The following PLCG2 variants were observed in gnomAD, a reference collection of about 807,000 sequenced individuals.
PLCG2 encodes 1-phosphatidylinositol 4,5-bisphosphate phosphodiesterase gamma-2.
PLCG2 carries 69 observed loss-of-function variants against 175.6 expected under a neutral mutation model. The ratio of observed to expected loss-of-function variants is 0.39; its 90% confidence interval spans 0.32 to 0.48. The LOEUF (loss-of-function observed/expected upper bound fraction) is 0.48. PLCG2 is among the 20% of genes least tolerant of loss of function. PLCG2 has a pLI of 0.91. For missense variants in PLCG2, 1,798 were observed against 1,650.9 expected (o/e 1.09, Z -1.54); for synonymous variants, 827 against 624.0 (o/e 1.33, Z -4.85).
intron 5 of PLCG2, among the ~76,000 whole-genome samples, chr16:81,863,124 C>A (rs762002620): frequency 6.6e-6 from 1 of 152,172 alleles, no homozygotes; most frequent in Non-Finnish European, 1.5e-5. Flanking sequence ...TGTTGTCATG[C>A]TCCCGTCACC....
chr16:81,854,664 G>A, intron 3 of PLCG2, 77 bp downstream of exon 3: 1 of 1,313,128 alleles, frequency 7.6e-7, no homozygotes, highest in Non-Finnish European at 1.1e-6. Flanking sequence ...ATAGCAGAAT[G>A]CTCACCCCTG....
chr16:81,882,202 C>G (rs1411967107), intron 8 of PLCG2, among the ~76,000 whole-genome samples: 1 of 152,206 alleles, frequency 6.6e-6, no homozygotes, highest in Non-Finnish European at 1.5e-5. Context: ...AATGTACTCC[C>G]CATCCAACCC....
intron 2 of PLCG2, among the ~76,000 whole-genome samples, chr16:81,793,006 C>A (rs1325191273): frequency 6.6e-6 from 1 of 152,112 alleles, no homozygotes; most frequent in African/African-American, 2.4e-5. Flanking sequence ...ATTTTATGTT[C>A]TTTTTAAGAT....
intron 5 of PLCG2, among the ~76,000 whole-genome samples, chr16:81,862,871 C>G (rs1193171131): frequency 6.6e-6 from 1 of 151,922 alleles, no homozygotes; most frequent in Non-Finnish European, 1.5e-5. Context: ...GATCCCATCT[C>G]AAAAACAAAA....
chr16:81,904,007 C>A (rs936235410), intron 14 of PLCG2, among the ~76,000 whole-genome samples: 8 of 152,168 alleles, frequency 5.3e-5, no homozygotes, highest in South Asian at 2.1e-4. Context: ...CACTGCAGGA[C>A]GAATAACCTC....
At chr16:81,819,631 C>A (rs114173548) in intron 2 of PLCG2, among the ~76,000 whole-genome samples, 1 of 152,226 alleles carries the variant, frequency 6.6e-6, no homozygotes, top group Non-Finnish European at 1.5e-5. Flanking sequence ...TTCGCCCAGG[C>A]TGTAGTGCGG....
chr16:81,892,855 T>C (rs940784290), intron 11 of PLCG2, among the ~76,000 whole-genome samples: 11 of 151,618 alleles, frequency 7.3e-5, no homozygotes, highest in African/African-American at 2.4e-4. Flanking sequence ...AACTTTTTTT[T>C]TTTTTTTTTT....
intron 25 of PLCG2, among the ~76,000 whole-genome samples, chr16:81,932,268 C>A (rs1206019780): frequency 6.6e-6 from 1 of 152,122 alleles, no homozygotes; most frequent in Non-Finnish European, 1.5e-5. Flanking sequence ...AGGGCTGGAC[C>A]CTGGGCAAGT....
At chr16:81,760,694 T>C (rs1045557162) in intron 2 of PLCG2, among the ~76,000 whole-genome samples, 1 of 150,152 alleles carries the variant, frequency 6.7e-6, no homozygotes, top group South Asian at 2.1e-4. Context: ...GAGGATCACT[T>C]GAGGGCAGGA....
rs144426501 is a variant in PLCG2, at chr16:81,789,915, C to A, written c.193+3733C>A. Among the ~76,000 whole-genome samples, 489 of 149,422 alleles carry A rather than the reference C, an allele frequency of 3.3e-3. 14 individuals are homozygous for A. The East Asian group carries it at 0.063, about 19-fold the overall frequency. On this transcript the variant is annotated intron_variant, in intron 2 of 32. Transcript: ENST00000564138. ...GGCGCCGCCCTAGGCGCTAGAGATA[C>A]AGCAGTTATTAAATTGGATTCAAAT...
intron 12 of PLCG2, among the ~76,000 whole-genome samples, chr16:81,894,444 A>G (rs1233764712): frequency 1.3e-5 from 2 of 151,978 alleles, no homozygotes; most frequent in Admixed American, 6.6e-5. Flanking sequence ...TGAAAAGAAA[A>G]GAAGGGTCAG....
chr16:81,918,826 C>G (rs1909944018), intron 19 of PLCG2, among the ~76,000 whole-genome samples: 1 of 151,944 alleles, frequency 6.6e-6, no homozygotes, highest in Non-Finnish European at 1.5e-5. Context: ...CTAATAAAAC[C>G]AAGGAGGCTC....
intron 13 of PLCG2, among the ~76,000 whole-genome samples, chr16:81,899,783 A>G (rs1005196962): frequency 6.6e-6 from 1 of 152,236 alleles, no homozygotes; most frequent in African/African-American, 2.4e-5. Flanking sequence ...CACGAATTAC[A>G]GTGATGCTGG....
intron 2 of PLCG2, among the ~76,000 whole-genome samples, chr16:81,819,444 G>A (rs925050763): frequency 6.6e-6 from 1 of 152,150 alleles, no homozygotes; most frequent in African/African-American, 2.4e-5. Context: ...TTGGCTTGGG[G>A]CACCCAGGAA....
At chr16:81,791,866 T>C (rs1597320977) in intron 2 of PLCG2, among the ~76,000 whole-genome samples, 1 of 152,042 alleles carries the variant, frequency 6.6e-6, no homozygotes, top group African/African-American at 2.4e-5. Context: ...CACCCAGCCT[T>C]AGCTGGGACT....
intron 2 of PLCG2, among the ~76,000 whole-genome samples, chr16:81,760,082 C>G (rs546611766): frequency 6.6e-6 from 1 of 152,180 alleles, no homozygotes; most frequent in Non-Finnish European, 1.5e-5. Flanking sequence ...GCCGAGATCG[C>G]GCCACTGCTC....
At chr16:81,917,681 T>G (rs1367146801) in intron 19 of PLCG2, among the ~76,000 whole-genome samples, 1 of 152,222 alleles carries the variant, frequency 6.6e-6, no homozygotes, top group African/African-American at 2.4e-5. Context: ...TTTATGTATC[T>G]TCCTTTGAGA....
At chr16:81,782,433 A>C (rs1176637472) in intron 1 of PLCG2, among the ~76,000 whole-genome samples, 2 of 152,030 alleles carry the variant, frequency 1.3e-5, no homozygotes, top group African/African-American at 4.8e-5. Flanking sequence ...AGCAAAATGG[A>C]AGTTGCTGTG....
At chr16:81,780,474 A>G (rs916502765) in intron 1 of PLCG2, among the ~76,000 whole-genome samples, 1 of 152,232 alleles carries the variant, frequency 6.6e-6, no homozygotes, top group Non-Finnish European at 1.5e-5. Flanking sequence ...GAAGTTTTAC[A>G]GAATTTTGAA....
Sources: gnomAD v4.1 joint callset for allele counts (sites outside exome capture counted in the v4.1 genomes callset) on GRCh38, gnomAD v4.1.1 for gene constraint, MANE v1.5 for transcripts, NCBI Gene and HGNC (gene_info 2026-07-23, HGNC 2026-07-21) for gene names.